Variants in ATP6V1H observed in about 807,000 individuals in gnomAD.
The protein encoded by ATP6V1H is V-type proton ATPase subunit H.
A neutral mutation model predicts 71.7 loss-of-function variants in ATP6V1H; 39 were observed. The ratio of observed to expected loss-of-function variants is 0.54; its 90% confidence interval spans 0.42 to 0.71. The LOEUF (loss-of-function observed/expected upper bound fraction) is 0.71, where lower values mean the gene tolerates loss of function less well. Ranked by LOEUF, ATP6V1H falls within the 30% of genes least tolerant of loss-of-function variation. The pLI, the probability that ATP6V1H is intolerant of heterozygous loss-of-function variation, is 0.00. For missense variants in ATP6V1H, 509 were observed against 594.9 expected (o/e 0.86, Z 1.50); for synonymous variants, 192 against 199.3 (o/e 0.96, Z 0.31).
intron 13 of ATP6V1H, 90 bp downstream of exon 13, chr8:53,743,487 T>G: frequency 1.2e-6 from 1 of 868,428 alleles, no homozygotes; most frequent in Non-Finnish European, 1.9e-6. Flanking sequence ...TTAAAAATGA[T>G]CATTCAAAGC....
intron 12 of ATP6V1H, among the ~76,000 whole-genome samples, chr8:53,744,747 G>C (rs1807541996): frequency 6.6e-6 from 1 of 152,174 alleles, no homozygotes; most frequent in South Asian, 2.1e-4. Flanking sequence ...AGAACATAAT[G>C]TAACTATCAT....
At chr8:53,725,794 T>C (rs554091825) in intron 13 of ATP6V1H, among the ~76,000 whole-genome samples, 29 of 151,926 alleles carry the variant, frequency 1.9e-4, no homozygotes, top group Non-Finnish European at 4.0e-4. Context: ...CAAAAACAGC[T>C]GGGAGAAAAA....
intron 12 of ATP6V1H, among the ~76,000 whole-genome samples, chr8:53,747,200 T>C (rs1411594536): frequency 6.6e-6 from 1 of 152,212 alleles, no homozygotes; most frequent in African/African-American, 2.4e-5. Context: ...ACATGGCTGT[T>C]TAGAAGCTAA....
intron 9 of ATP6V1H, among the ~76,000 whole-genome samples, chr8:53,773,396 A>C (rs950031047): frequency 2.6e-5 from 4 of 152,212 alleles, no homozygotes; most frequent in Non-Finnish European, 5.9e-5. Flanking sequence ...GAAAACAACT[A>C]TAAAACCTGA....
At chr8:53,734,163 C>A (rs939304847) in intron 13 of ATP6V1H, among the ~76,000 whole-genome samples, 3 of 152,224 alleles carry the variant, frequency 2.0e-5, no homozygotes, top group Non-Finnish European at 4.4e-5. Flanking sequence ...AGTACAAAGG[C>A]TTGCTCTGTG....
intron 12 of ATP6V1H, 75 bp from the exon 13 acceptor site, chr8:53,743,765 TAC>T: frequency 2.1e-6 from 2 of 937,590 alleles, no homozygotes; most frequent in Non-Finnish European, 3.3e-6. Context: ...GCAGCTCAAA[TAC>T]CAACACGCTA....
intron 13 of ATP6V1H, among the ~76,000 whole-genome samples, chr8:53,720,177 C>T (rs1436340236): frequency 6.6e-6 from 1 of 152,164 alleles, no homozygotes; most frequent in Non-Finnish European, 1.5e-5. Flanking sequence ...TTTGCTTCTG[C>T]CACCTAAGAT....
chr8:53,801,182 C>G (rs1447386798), intron 8 of ATP6V1H, among the ~76,000 whole-genome samples: 2 of 152,092 alleles, frequency 1.3e-5, no homozygotes, highest in Admixed American at 1.3e-4. Context: ...CCTCACCCAC[C>G]AAGCAACTTA....
At chr8:53,782,813 T>C (rs1049806226) in intron 9 of ATP6V1H, among the ~76,000 whole-genome samples, 165 of 152,346 alleles carry the variant, frequency 1.1e-3, no homozygotes, top group Admixed American at 2.8e-3. Flanking sequence ...GTGGTTTTTG[T>C]CTTTGGTTCT....
chr8:53,761,284 C>G (rs1189873294), intron 11 of ATP6V1H, among the ~76,000 whole-genome samples: 1 of 151,702 alleles, frequency 6.6e-6, no homozygotes, highest in Non-Finnish European at 1.5e-5. Flanking sequence ...TTGCAGTGAG[C>G]CGAGATCGCG....
chr8:53,768,394 T>A (rs543107889), intron 11 of ATP6V1H, among the ~76,000 whole-genome samples: 1 of 152,278 alleles, frequency 6.6e-6, no homozygotes, highest in East Asian at 1.9e-4. Context: ...AAATGGTTAA[T>A]CACAGAGTTA....
At position 53,775,596 on chromosome 8, in the gene ATP6V1H, C is replaced by T. The variant is rs189208542; in HGVS notation, c.871-3429G>A. 2.6e-5 allele frequency among the ~76,000 whole-genome samples: 4 copies of T among 152,214 alleles called. No homozygotes were observed. The South Asian group carries it at 6.2e-4, about 24-fold the overall frequency. ...ACCAGAGCAGCTAGATACAGAGTGT[C>T]GATTGGTGCACTCACAAACCTTGAG... is the stretch of plus-strand genomic sequence containing the variant. On this transcript the variant is annotated intron_variant, in intron 9 of 13. Transcript: ENST00000359530.
At chr8:53,833,645 AG>A in intron 2 of ATP6V1H, among the ~76,000 whole-genome samples, 1 of 151,578 alleles carries the variant, frequency 6.6e-6, no homozygotes, top group East Asian at 1.9e-4. Context: ...CATCTCTTCC[AG>A]GGGTCGCTTC....
intron 11 of ATP6V1H, among the ~76,000 whole-genome samples, chr8:53,761,063 G>A (rs902779637): frequency 1.4e-4 from 22 of 152,050 alleles, no homozygotes; most frequent in Admixed American, 4.6e-4. Context: ...CTAGCCAGGC[G>A]CGGTGGCTCA....
At chr8:53,824,825 T>C (rs1282434119) in intron 4 of ATP6V1H, among the ~76,000 whole-genome samples, 1 of 151,814 alleles carries the variant, frequency 6.6e-6, no homozygotes, top group Non-Finnish European at 1.5e-5. Context: ...AAATAGAAAA[T>C]TATAAAATTT....
chr8:53,790,244 T>C (rs1809525099), intron 9 of ATP6V1H, among the ~76,000 whole-genome samples: 1 of 152,216 alleles, frequency 6.6e-6, no homozygotes. Context: ...ACTTTTTCAT[T>C]GGATGGCAAT....
At chr8:53,817,610 C>T in intron 4 of ATP6V1H, 80 bp from the exon 5 acceptor site, 1 of 814,100 alleles carries the variant, frequency 1.2e-6, no homozygotes, top group Non-Finnish European at 2.0e-6. Context: ...ACTTCTCAAC[C>T]TCCCATCAGT....
In ATP6V1H at chr8:53,836,671, C is replaced by A. The variant is rs78790876; in HGVS notation, c.114-3585G>T. ...AACCATCTTCTTACCTACTACCAGG[C>A]GGCCTTCTCAAGTACATATGGGGTC... On this transcript the variant is annotated intron_variant, in intron 2 of 13. Coordinates refer to ENST00000359530, the MANE Select transcript of ATP6V1H (RefSeq NM_015941.4). 1.8e-4 allele frequency among the ~76,000 whole-genome samples: 27 copies of A among 152,298 alleles called. No homozygotes were observed. In the East Asian group the frequency reaches 5.2e-3, roughly 29 times the overall value.
intron 13 of ATP6V1H, among the ~76,000 whole-genome samples, chr8:53,728,761 G>A (rs956397538): frequency 6.6e-6 from 1 of 152,182 alleles, no homozygotes; most frequent in African/African-American, 2.4e-5. Context: ...TAAGGCCTCA[G>A]CACAGGCCGC....
Sources: allele counts gnomAD v4.1 joint callset (sites outside exome capture counted in the v4.1 genomes callset), GRCh38; gene constraint gnomAD v4.1.1; transcripts MANE v1.5; gene names NCBI Gene and HGNC (gene_info 2026-07-23, HGNC 2026-07-21).